Variants in SHPRH observed in about 807,000 individuals in gnomAD.
SHPRH encodes the protein SNF2 histone linker PHD RING helicase.
SHPRH carries 106 observed loss-of-function variants against 202.5 expected under a neutral mutation model. The observed-to-expected ratio is 0.52, with a 90% confidence interval of 0.45 to 0.62. The LOEUF (loss-of-function observed/expected upper bound fraction) is 0.62, where lower values mean the gene tolerates loss of function less well. SHPRH is among the 20% of genes least tolerant of loss of function. The pLI is 0.00. For missense variants in SHPRH, 1,710 were observed against 2,020.0 expected (o/e 0.85, Z 2.94); for synonymous variants, 729 against 686.0 (o/e 1.06, Z -0.98).
chr6:145,911,795 A>G (rs959029523), intron 24 of SHPRH, among the ~76,000 whole-genome samples: 1 of 152,088 alleles, frequency 6.6e-6, no homozygotes, highest in Non-Finnish European at 1.5e-5. Flanking sequence ...AAGAAGAGAA[A>G]ACTGAGGTAT....
At chr6:145,880,397 G>A (rs1251529551), downstream of SHPRH, among the ~76,000 whole-genome samples, 2 of 152,114 alleles carry the variant, frequency 1.3e-5, no homozygotes, top group Non-Finnish European at 2.9e-5. Flanking sequence ...GGGAGGCTGA[G>A]GCAGGAGGAT....
intron 20 of SHPRH, 114 bp from the exon 21 acceptor site, chr6:145,921,506 C>G (rs1362367017): frequency 1.1e-5 from 11 of 989,792 alleles, no homozygotes; most frequent in Non-Finnish European, 7.3e-6. Context: ...CCAAAGCAAC[C>G]TTGAAAAAGC....
chr6:145,900,223 T>C (rs1028538302), intron 25 of SHPRH, among the ~76,000 whole-genome samples: 2 of 152,160 alleles, frequency 1.3e-5, no homozygotes, highest in Non-Finnish European at 2.9e-5. Context: ...TTCAGCATTA[T>C]TCATGGTAGC....
At chr6:145,888,227 G>A (rs762929419) in intron 28 of SHPRH, 127 bp from the exon 29 acceptor site, 56 of 593,752 alleles carry the variant, frequency 9.4e-5, no homozygotes, top group Non-Finnish European at 1.6e-4. Flanking sequence ...GCTGGGAGGG[G>A]TTCAGCAGCG....
At chr6:145,886,853 G>T in intron 29 of SHPRH, 66 bp from the exon 30 acceptor site, 1 of 1,541,964 alleles carries the variant, frequency 6.5e-7, no homozygotes, top group South Asian at 1.2e-5. Flanking sequence ...TATATTTGTA[G>T]TAATACGAAC....
At chr6:145,858,696 G>A in the SHPRH span, among the ~76,000 whole-genome samples, 1 of 152,024 alleles carries the variant, frequency 6.6e-6, no homozygotes, top group African/African-American at 2.4e-5. Flanking sequence ...TTTTAAATAT[G>A]TGCTGTTGAT....
At chr6:145,944,997 C>A (rs958291923) in intron 8 of SHPRH, among the ~76,000 whole-genome samples, 1 of 152,066 alleles carries the variant, frequency 6.6e-6, no homozygotes, top group South Asian at 2.1e-4. Context: ...GAGTTCAAGG[C>A]TGCAGCTAGC....
intron 2 of SHPRH, among the ~76,000 whole-genome samples, chr6:145,867,236 C>G (rs1392236893): frequency 2.0e-5 from 3 of 152,026 alleles, no homozygotes; most frequent in Non-Finnish European, 4.4e-5. Flanking sequence ...ACATTACCAA[C>G]TCAAGGTTCA....
intron 11 of SHPRH, among the ~76,000 whole-genome samples, chr6:145,939,563 G>C (rs1786513510): frequency 6.6e-6 from 1 of 152,086 alleles, no homozygotes. Context: ...AACTCTGATA[G>C]TCATGTACTC....
At chr6:145,860,399 T>C (rs1779541131), downstream of SHPRH, among the ~76,000 whole-genome samples, 1 of 151,964 alleles carries the variant, frequency 6.6e-6, no homozygotes, top group South Asian at 2.1e-4. Context: ...ATATTTATAA[T>C]AGCATCTAAA....
chr6:145,891,006 C>A (rs909896693), intron 28 of SHPRH, among the ~76,000 whole-genome samples: 5 of 152,252 alleles, frequency 3.3e-5, no homozygotes, highest in Admixed American at 1.3e-4. Flanking sequence ...CAAGACTCTC[C>A]CTGCTTCTAC....
chr6:145,932,428 T>C (rs1785566958), intron 14 of SHPRH, among the ~76,000 whole-genome samples: 1 of 152,184 alleles, frequency 6.6e-6, no homozygotes, highest in African/African-American at 2.4e-5. Context: ...TACTCTTCCA[T>C]GTAAATATAA....
In SHPRH at chr6:145,922,699, A is replaced by C. The variant is rs774524982; in HGVS notation, c.3683T>G (p.Val1228Gly). The change falls in exon 19 of 30, where the codon GTC becomes GGC. Residue 1228 changes from valine to glycine, a missense_variant. Physicochemically the swap from Val to Gly is moderately radical, Grantham distance 109. Around this residue, in one of 8 missense-constraint regions of SHPRH, gnomAD observed 288 missense variants for 317.8 expected, o/e 0.91. Transcript: ENST00000275233. ...PSRNVIESATVCHLRPARLPL... is the reference protein window; with the variant it reads ...PSRNVIESATGCHLRPARLPL... Reference sequence around the variant, plus strand: ...AAGTCTGGCTGGTCGGAGGTGACAGACTGTTGCAGACTCAATAACATTACG... The same window carrying C: ...AAGTCTGGCTGGTCGGAGGTGACAGCCTGTTGCAGACTCAATAACATTACG... 1.2e-6 allele frequency: 2 copies of C among 1,610,122 alleles called. No homozygotes were observed. The highest frequency in any genetic ancestry group is 8.5e-7 in the Non-Finnish European group (1 of 1,178,054).
At chr6:145,950,585 C>T (rs1787875355) in intron 3 of SHPRH, 103 bp from the exon 4 acceptor site, 1 of 1,018,788 alleles carries the variant, frequency 9.8e-7, no homozygotes, top group East Asian at 2.4e-5. Context: ...AACTCTGGGG[C>T]CTTGCTCAGT....
chr6:145,930,434 G>T (rs1224184814), intron 14 of SHPRH, among the ~76,000 whole-genome samples: 3 of 151,974 alleles, frequency 2.0e-5, no homozygotes, highest in African/African-American at 7.3e-5. Flanking sequence ...CACAAATTTT[G>T]ATATTTCATT....
intron 25 of SHPRH, chr6:145,906,169 C>T (rs1373538478): frequency 6.6e-6 from 1 of 151,990 alleles, no homozygotes; most frequent in African/African-American, 2.4e-5. Context: ...CCCCCTGAAG[C>T]CCAGTTATCC....
rs1408655619 is a variant in SHPRH, at chr6:145,915,152, TA to T, written c.4255-1604del. 2.0e-5 allele frequency among the ~76,000 whole-genome samples: 3 copies of T among 147,512 alleles called. No individual in the cohort carries two copies. In the Admixed American group the frequency reaches 2.0e-4, roughly 10 times the overall value. ...TTATAAATATATTTTGGCAGAATTA[TA>T]AATATATAATTATAAATATAAATAT... On this transcript the variant is annotated intron_variant, in intron 23 of 29. Coordinates refer to ENST00000275233, the MANE Select transcript of SHPRH (RefSeq NM_001042683.3).
intron 1 of SHPRH, among the ~76,000 whole-genome samples, chr6:145,960,931 C>A (rs1243272081): frequency 6.6e-6 from 1 of 152,024 alleles, no homozygotes; most frequent in Admixed American, 6.6e-5. Context: ...GATCATCAGG[C>A]ATTAGGTTTT....
chr6:145,941,490 G>T, intron 10 of SHPRH, 133 bp downstream of exon 10: 1 of 1,369,672 alleles, frequency 7.3e-7, no homozygotes, highest in Non-Finnish European at 9.9e-7. Context: ...CACAAGTAGT[G>T]TTTAATAACA....
Sources: gnomAD v4.1 joint callset for allele counts (sites outside exome capture counted in the v4.1 genomes callset) on GRCh38, gnomAD v4.1.1 for gene constraint, gnomAD v4.1.1 regional missense constraint, MANE v1.5 for transcripts, NCBI Gene and HGNC (gene_info 2026-07-23, HGNC 2026-07-21) for gene names.